HSF2: variants seen among roughly 807,000 people sequenced by gnomAD.
HSF2 encodes heat shock transcription factor 2.
Under a neutral mutation model 65.0 loss-of-function variants are expected in HSF2, and 21 were observed. The observed-to-expected ratio is 0.32, with a 90% CI of 0.23 to 0.47. HSF2 has a LOEUF of 0.47. Ranked by LOEUF, HSF2 falls within the 20% of genes least tolerant of loss-of-function variation. The pLI is 1.00. For missense variants in HSF2, 499 were observed against 628.1 expected (o/e 0.79, Z 2.20); for synonymous variants, 225 against 219.1 (o/e 1.03, Z -0.24).
At chr6:122,415,281 T>C (rs9388072) in intron 4 of HSF2, among the ~76,000 whole-genome samples, 20,220 of 152,234 alleles carry the variant, frequency 0.13, 1,447 homozygotes, top group East Asian at 0.21. Flanking sequence ...TTGTTTGAGA[T>C]AGATCTTAAG....
intron 1 of HSF2, among the ~76,000 whole-genome samples, chr6:122,406,283 G>A (rs775574546): frequency 2.0e-5 from 3 of 152,166 alleles, no homozygotes; most frequent in South Asian, 2.1e-4. Context: ...CCAAGGAGAC[G>A]ATGTTTGAGG....
chr6:122,413,681 C>T, intron 4 of HSF2, 32 bp downstream of exon 4: 1 of 1,560,716 alleles, frequency 6.4e-7, no homozygotes, highest in Non-Finnish European at 8.8e-7. Context: ...TAATTTTAAT[C>T]TGGGAATTGG....
chr6:122,424,326 G>A (rs942485856), intron 10 of HSF2, among the ~76,000 whole-genome samples: 1 of 151,828 alleles, frequency 6.6e-6, no homozygotes, highest in Non-Finnish European at 1.5e-5. Flanking sequence ...TGGTCTGGTC[G>A]CGCTTAGATG....
intron 10 of HSF2, among the ~76,000 whole-genome samples, chr6:122,425,632 T>TTC (rs1263928737): frequency 2.0e-5 from 3 of 152,018 alleles, no homozygotes; most frequent in Non-Finnish European, 4.4e-5. Flanking sequence ...TACTTTTTTG[T>TTC]TCTCTCCCTG....
intron 4 of HSF2, among the ~76,000 whole-genome samples, 198 bp from the exon 5 acceptor site, chr6:122,416,023 A>T (rs181969638): frequency 1.7e-3 from 251 of 152,050 alleles, no homozygotes; most frequent in African/African-American, 5.8e-3. Context: ...CCTTTTTTTT[A>T]AAAAAAGAAT....
At chr6:122,399,602 G>A (rs753610481), upstream of HSF2, 1 of 677,720 alleles carries the variant, frequency 1.5e-6, no homozygotes, top group Non-Finnish European at 2.4e-6. Context: ...CGCGCGCCTG[G>A]CGGGGTTGGG....
Position 122,432,260 on chromosome 6 carries a change from AATG to A in HSF2, c.*45_*47del, listed in dbSNP as rs752347818. The A allele has an allele frequency of 7.1e-7, 1 of 1,415,728 alleles. No homozygotes were observed. Among genetic ancestry groups the A allele is most frequent in the Admixed American group, 2.1e-5 (1 of 47,624 alleles). The allele number at this position is 1,415,728 out of a possible 1,614,324, so 87.7% of individuals were successfully genotyped here. On this transcript the variant is annotated 3_prime_UTR_variant, in exon 13 of 13. Coordinates refer to ENST00000368455, the MANE Select transcript of HSF2 (RefSeq NM_004506.4). The stretch of plus-strand genomic sequence containing the variant: ...GACTTTACATGTATATATTCATCAA[AATG>A]ATGAACTATTTATTTTAAAGTATCA...
chr6:122,427,936 G>T lies in HSF2; in HGVS notation c.1210G>T (p.Asp404Tyr), dbSNP rs377323411. Residue 404 changes from aspartate (D) to tyrosine (Y), a missense_variant, in exon 11 of 13, where the codon GAT (aspartate) becomes TAT (tyrosine). Transcript: ENST00000368455. ...TAGTTCTGTGCAGATGAATCCCACA[G>T]ATTACATCAATAATACAAAAGTAAG... ...FTSSVQMNPTDYINNTKSENK... is the reference protein window; with the variant it reads ...FTSSVQMNPTYYINNTKSENK... The T allele has an allele frequency of 6.2e-7, 1 of 1,601,320 alleles. No individual in the cohort carries two copies. Among genetic ancestry groups the T allele is most frequent in the African/African-American group, 1.3e-5 (1 of 74,380 alleles).
intron 1 of HSF2, among the ~76,000 whole-genome samples, chr6:122,405,046 G>A (rs1214652147): frequency 1.3e-5 from 2 of 152,030 alleles, no homozygotes; most frequent in South Asian, 2.1e-4. Context: ...TATTGTGCTA[G>A]GTATCAGGAA....
rs746535519 is a variant in HSF2, at chr6:122,422,867, T to A, written c.980T>A (p.Val327Asp). 3 of 1,613,724 alleles carry A rather than the reference T, an allele frequency of 1.9e-6. No homozygotes were observed. Among genetic ancestry groups the A allele is most frequent in the Non-Finnish European group, 8.5e-7 (1 of 1,179,796 alleles). The change falls in exon 9 of 13, where the codon GTC (valine) becomes GAC (aspartate). Residue 327 changes from valine to aspartate, a missense_variant. Coordinates refer to ENST00000368455, the MANE Select transcript of HSF2 (RefSeq NM_004506.4). ...DGSSPLMSSA[V>D]QLNGSSSLTS... ...AGCAGCCCTCTCATGTCTAGTGCTGTCCAGCTAAATGGCTCATCCAGTCTG... is the reference window on the plus strand; with the variant it reads ...AGCAGCCCTCTCATGTCTAGTGCTGACCAGCTAAATGGCTCATCCAGTCTG...
At position 122,415,944 on chromosome 6, in the gene HSF2, G is replaced by T. The variant is rs143393182; in HGVS notation, c.456-277G>T. ...AGGCACGAGAATTGCTTGAACCCTG[G>T]AGGTGAAGGTTGCAATGAGCCGAGA... is the stretch of plus-strand genomic sequence containing the variant. On this transcript the variant is annotated intron_variant, in intron 4 of 12. Coordinates refer to ENST00000368455, the MANE Select transcript of HSF2 (RefSeq NM_004506.4). Among the ~76,000 whole-genome samples the T allele has an allele frequency of 2.2e-4, 34 of 152,042 alleles. No individual in the cohort carries two copies. The East Asian group carries it at 6.2e-3, about 28-fold the overall frequency.
chr6:122,400,747 CA>C (rs1773709792), intron 1 of HSF2, among the ~76,000 whole-genome samples: 1 of 152,176 alleles, frequency 6.6e-6, no homozygotes, highest in Admixed American at 6.5e-5. Context: ...AGTGCATGTG[CA>C]TTAGAATACA....
At chr6:122,410,948 GTT>G (rs34451736) in intron 1 of HSF2, among the ~76,000 whole-genome samples, 5 of 128,900 alleles carry the variant, frequency 3.9e-5, no homozygotes, top group Middle Eastern at 4.1e-3. Context: ...TTGTTTTTGG[GTT>G]TTTTTTTTTT....
intron 4 of HSF2, among the ~76,000 whole-genome samples, chr6:122,415,384 TCA>T (rs1278403391): frequency 1.3e-5 from 2 of 152,148 alleles, no homozygotes; most frequent in African/African-American, 4.8e-5. Flanking sequence ...TCTCTGTACC[TCA>T]GTGTCCTCAT....
Position 122,413,574 on chromosome 6 carries a change from C to G in HSF2, c.380C>G (p.Thr127Arg), listed in dbSNP as rs773368306. 1 of 1,596,312 alleles carries G rather than the reference C, an allele frequency of 6.3e-7. No individual in the cohort carries two copies. The highest frequency in any genetic ancestry group is 1.7e-5 in the Admixed American group (1 of 59,646). The stretch of plus-strand genomic sequence containing the variant: ...AATAAAATTCGTCAGGAAGATTTAA[C>G]AAAAATTATAAGTAGTGCTCAGAAG... ...EENKIRQEDL[T>R]KIISSAQKVQ... The change falls in exon 4 of 13, where the codon ACA (threonine) becomes AGA (arginine). Residue 127 changes from threonine to arginine, a missense_variant. Thr to Arg is a moderately conservative substitution (Grantham distance 71, BLOSUM62 -1). Around this residue, in one of 2 missense-constraint regions of HSF2, gnomAD observed 150 missense variants for 234.6 expected, o/e 0.64. Coordinates refer to ENST00000368455, the MANE Select transcript of HSF2 (RefSeq NM_004506.4).
intron 10 of HSF2, among the ~76,000 whole-genome samples, chr6:122,424,040 T>G (rs941628679): frequency 6.6e-6 from 1 of 152,124 alleles, no homozygotes; most frequent in Admixed American, 6.6e-5. Context: ...ATAGAGGTAC[T>G]TAGCTAGGAA....
intron 6 of HSF2, among the ~76,000 whole-genome samples, chr6:122,419,464 T>A (rs1004934873): frequency 6.6e-6 from 1 of 152,168 alleles, no homozygotes; most frequent in Non-Finnish European, 1.5e-5. Flanking sequence ...TAGACATACA[T>A]ACAGTTAATA....
At chr6:122,403,754 G>A (rs1054520419) in intron 1 of HSF2, among the ~76,000 whole-genome samples, 61 of 151,290 alleles carry the variant, frequency 4.0e-4, no homozygotes, top group African/African-American at 1.4e-3. Flanking sequence ...ACTGTTCTTG[G>A]CTTTGGTAGT....
At chr6:122,411,234 A>G (rs1265467925) in intron 1 of HSF2, among the ~76,000 whole-genome samples, 3 of 151,446 alleles carry the variant, frequency 2.0e-5, no homozygotes, top group Non-Finnish European at 4.4e-5. Context: ...TTATTTGCTT[A>G]TTGGAAGTTT....
Sources: allele counts gnomAD v4.1 joint callset (sites outside exome capture counted in the v4.1 genomes callset), GRCh38; gene constraint gnomAD v4.1.1; regional missense constraint gnomAD v4.1.1; transcripts MANE v1.5; gene names NCBI Gene and HGNC (gene_info 2026-07-23, HGNC 2026-07-21).